Variants in NTM observed in about 807,000 individuals in gnomAD.
NTM encodes neurotrimin, also known as IgLON family member 2.
NTM carries 13 observed loss-of-function variants against 42.1 expected under a neutral mutation model. The observed-to-expected ratio is 0.31, with a 90% CI of 0.20 to 0.49. The LOEUF is 0.49. Ranked by LOEUF, NTM falls within the 20% of genes least tolerant of loss-of-function variation. The probability of loss-of-function intolerance (pLI) is 0.99; values close to 1 mark genes in which losing one functional copy is unlikely to be tolerated. For missense variants in NTM, 373 were observed against 452.8 expected, an observed-to-expected ratio of 0.82 and a Z score of 1.60; for synonymous variants, 187 against 179.2, an observed-to-expected ratio of 1.04 and a Z score of -0.35.
chr11:132,330,984 A>T (rs1261880671), intron 8 of NTM, among the ~76,000 whole-genome samples: 1 of 152,146 alleles, frequency 6.6e-6, no homozygotes, highest in Non-Finnish European at 1.5e-5. Flanking sequence ...TCTTCATCTC[A>T]TCTCATGGAA....
chr11:131,568,869 A>C (rs1427903567), intron 1 of NTM, among the ~76,000 whole-genome samples: 1 of 152,180 alleles, frequency 6.6e-6, no homozygotes, highest in African/African-American at 2.4e-5. Flanking sequence ...CTGTATACTT[A>C]ATAGCTCCCA....
chr11:131,804,832 G>T (rs2136259146), intron 1 of NTM, among the ~76,000 whole-genome samples: 1 of 152,268 alleles, frequency 6.6e-6, no homozygotes, highest in South Asian at 2.1e-4. Context: ...CTACCCTCAT[G>T]AGTAGGTTAG....
intron 1 of NTM, among the ~76,000 whole-genome samples, chr11:131,649,544 A>G (rs1260178845): frequency 6.6e-6 from 1 of 152,190 alleles, no homozygotes; most frequent in Non-Finnish European, 1.5e-5. Flanking sequence ...CATAAAACTC[A>G]TTACAAGATA....
chr11:131,374,645 C>G (rs932257970), intron 1 of NTM, among the ~76,000 whole-genome samples: 1 of 152,120 alleles, frequency 6.6e-6, no homozygotes, highest in Non-Finnish European at 1.5e-5. Flanking sequence ...CTGGCAGTTC[C>G]CTGGGTTCTG....
chr11:131,442,794 GTATATA>G (rs1311638328), intron 1 of NTM, among the ~76,000 whole-genome samples: 1 of 151,560 alleles, frequency 6.6e-6, no homozygotes, highest in East Asian at 1.9e-4. Context: ...ATATATACGT[GTATATA>G]TTATATATAT....
intron 2 of NTM, among the ~76,000 whole-genome samples, chr11:132,016,952 G>A (rs2073519039): frequency 6.6e-6 from 1 of 151,890 alleles, no homozygotes; most frequent in Non-Finnish European, 1.5e-5. Flanking sequence ...CTTGTGTGAG[G>A]TGTCTATTCA....
intron 1 of NTM, among the ~76,000 whole-genome samples, chr11:131,717,855 A>G (rs911171691): frequency 6.6e-6 from 1 of 152,198 alleles, no homozygotes; most frequent in Non-Finnish European, 1.5e-5. Flanking sequence ...TAGGTTTTCT[A>G]TACATGCTCT....
intron 1 of NTM, among the ~76,000 whole-genome samples, chr11:131,784,140 G>C (rs979539121): frequency 1.3e-5 from 2 of 152,108 alleles, no homozygotes; most frequent in Non-Finnish European, 2.9e-5. Context: ...GAAAAAGAAA[G>C]TGTTAAGGAG....
intron 1 of NTM, among the ~76,000 whole-genome samples, chr11:131,816,633 A>G (rs2136361250): frequency 6.6e-6 from 1 of 152,272 alleles, no homozygotes; most frequent in Non-Finnish European, 1.5e-5. Context: ...CTGTCCCCAA[A>G]TCGTACACCT....
At chr11:131,686,714 C>T (rs2073926659) in intron 1 of NTM, among the ~76,000 whole-genome samples, 1 of 152,224 alleles carries the variant, frequency 6.6e-6, no homozygotes, top group Non-Finnish European at 1.5e-5. Context: ...CTATGTGCCC[C>T]TCATGGCTCA....
chr11:132,172,333 C>T (rs899056042), intron 3 of NTM, among the ~76,000 whole-genome samples: 4 of 152,142 alleles, frequency 2.6e-5, no homozygotes, highest in South Asian at 2.1e-4. Context: ...CTGCTTGAAC[C>T]TTCTCTGCCT....
At chr11:132,008,353 G>A (rs2071296482) in intron 2 of NTM, among the ~76,000 whole-genome samples, 1 of 152,184 alleles carries the variant, frequency 6.6e-6, no homozygotes, top group Admixed American at 6.5e-5. Flanking sequence ...GGCAGGACTT[G>A]TGTGAGGATC....
chr11:131,589,735 C>A (rs984356263), intron 1 of NTM, among the ~76,000 whole-genome samples: 22 of 152,302 alleles, frequency 1.4e-4, no homozygotes, highest in Non-Finnish European at 1.8e-4. Flanking sequence ...TGCGCACACA[C>A]ATGTGACACC....
intron 1 of NTM, among the ~76,000 whole-genome samples, chr11:131,421,886 G>C (rs1470400040): frequency 6.6e-6 from 1 of 152,242 alleles, no homozygotes; most frequent in Admixed American, 6.5e-5. Flanking sequence ...TGCTAATAAG[G>C]GTTGTGCCTG....
At chr11:132,315,209 C>T in intron 7 of NTM, 1 of 506,862 alleles carries the variant, frequency 2.0e-6, no homozygotes. Context: ...GTAAAATTTT[C>T]CTTTTTCCAA....
intron 1 of NTM, among the ~76,000 whole-genome samples, chr11:131,884,309 T>C (rs1354194174): frequency 6.6e-6 from 1 of 152,010 alleles, no homozygotes; most frequent in Non-Finnish European, 1.5e-5. Context: ...CTCGGGAGGC[T>C]GAGGCAGGAG....
At chr11:132,104,943 A>ATG (rs2062134104) in intron 2 of NTM, among the ~76,000 whole-genome samples, 1 of 20,302 alleles carries the variant, frequency 4.9e-5, no homozygotes, top group African/African-American at 2.2e-4. Flanking sequence ...ATATGTATAT[A>ATG]TATATATATA....
chr11:131,673,635 C>A (rs1007682323), intron 1 of NTM, among the ~76,000 whole-genome samples: 5 of 152,136 alleles, frequency 3.3e-5, no homozygotes, highest in African/African-American at 1.2e-4. Flanking sequence ...GGGAACTCTG[C>A]AAAAATGCTC....
intron 2 of NTM, among the ~76,000 whole-genome samples, chr11:131,991,744 C>T (rs1158109508): frequency 6.6e-6 from 1 of 152,028 alleles, no homozygotes; most frequent in Non-Finnish European, 1.5e-5. Context: ...GCTAATTACC[C>T]AGATAAAGAA....
Sources: gnomAD v4.1 joint callset for allele counts (sites outside exome capture counted in the v4.1 genomes callset) on GRCh38, gnomAD v4.1.1 for gene constraint, MANE v1.5 for transcripts, NCBI Gene and HGNC (gene_info 2026-07-23, HGNC 2026-07-21) for gene names.